Variants in TERT observed in about 807,000 individuals in gnomAD.
The protein encoded by TERT is telomerase reverse transcriptase, also known as telomerase catalytic subunit.
Under a neutral mutation model 104.0 loss-of-function variants are expected in TERT, and 42 were observed. The ratio of observed to expected loss-of-function variants is 0.40; its 90% confidence interval spans 0.32 to 0.52. TERT has a LOEUF of 0.52. Ranked by LOEUF, TERT falls within the 20% of genes least tolerant of loss-of-function variation. The pLI is 0.43. For missense variants in TERT, 1,101 were observed against 1,610.3 expected (o/e 0.68, Z 5.41); for synonymous variants, 781 against 725.6 (o/e 1.08, Z -1.23).
In TERT at chr5:1,282,641, A is replaced by T; in HGVS notation, c.1574-17T>A. Reference sequence around the variant, plus strand: ...AGCCAACCCCTTAAACGAGAAGGACATGCCACATCCAGATCACCGAGGGCC... The same window carrying T: ...AGCCAACCCCTTAAACGAGAAGGACTTGCCACATCCAGATCACCGAGGGCC... On this transcript the variant is annotated splice_polypyrimidine_tract_variant and intron_variant, in intron 2 of 15. Transcript: ENST00000310581. The T allele has an allele frequency of 6.2e-7, 1 of 1,613,400 alleles. No individual in the cohort carries two copies. Among genetic ancestry groups the T allele is most frequent in the Non-Finnish European group, 8.5e-7 (1 of 1,179,926 alleles).
Position 1,282,453 on chromosome 5 carries a change from C to T in TERT, c.1745G>A (p.Ser582Asn). The T allele has an allele frequency of 6.2e-7, 1 of 1,614,150 alleles. No individual in the cohort carries two copies. The highest frequency in any genetic ancestry group is 8.5e-7 in the Non-Finnish European group (1 of 1,180,026). ...CCTGATTCCAATGCTTTGCAACTTGCTCCAGACACTCTTCCGGTAGAAAAA... is the reference window on the plus strand; with the variant it reads ...CCTGATTCCAATGCTTTGCAACTTGTTCCAGACACTCTTCCGGTAGAAAAA... ...RLFFYRKSVW[S>N]KLQSIGIRQH... Residue 582 changes from serine (S) to asparagine (N), a missense_variant, in exon 3 of 16, where the codon AGC becomes AAC. By Grantham distance (46) the Ser-to-Asn change is conservative. Around this residue, in one of 5 missense-constraint regions of TERT, gnomAD observed 463 missense variants for 797.5 expected, o/e 0.58. Transcript: ENST00000310581.
chr5:1,286,216 C>G lies in TERT; in HGVS notation c.1574-3592G>C, dbSNP rs1220839259. Among the ~76,000 whole-genome samples the G allele has an allele frequency of 6.6e-6, 1 of 152,190 alleles. No homozygotes were observed. Among genetic ancestry groups the G allele is most frequent in the Admixed American group, 6.5e-5 (1 of 15,280 alleles). ...AGTCTCCACATCTTCATCTGTGCAT[C>G]ATAAGCAGAGGTCCCCGGACGTCGC... On this transcript the variant is annotated intron_variant, in intron 2 of 15. Coordinates refer to ENST00000310581, the MANE Select transcript of TERT (RefSeq NM_198253.3). This position sits in a 1 kb window ranked among gnomAD's most constrained non-coding sequence, Gnocchi z 5.3.
chr5:1,258,993 A>C (rs13165630), intron 12 of TERT, among the ~76,000 whole-genome samples: 95 of 108,506 alleles, frequency 8.8e-4, no homozygotes, highest in African/African-American at 3.2e-3. Flanking sequence ...CACAGGAGAG[A>C]GGGAGTGGAG....
rs1748777872 is a variant in TERT at position 1,268,500 on chromosome 5, T to C, written c.2582+20A>G. On this transcript the variant is annotated intron_variant, in intron 9 of 15. Coordinates refer to ENST00000310581, the MANE Select transcript of TERT (RefSeq NM_198253.3). The surrounding 1 kb of genome is among the most constrained non-coding windows in gnomAD (Gnocchi z 5.5). ...AAATCAACCCCCACCCAAGCCCCCCTGGGGAAGAGGAGGCCTCACCCGTCC... is the reference window on the plus strand; with the variant it reads ...AAATCAACCCCCACCCAAGCCCCCCCGGGGAAGAGGAGGCCTCACCCGTCC... The C allele has an allele frequency of 1.9e-6, 3 of 1,598,402 alleles. No homozygotes were observed. Among genetic ancestry groups the C allele is most frequent in the Non-Finnish European group, 1.7e-6 (2 of 1,167,250 alleles).
In TERT at chr5:1,268,078, C is replaced by T. The variant is rs184945680; in HGVS notation, c.2582+442G>A. Among the ~76,000 whole-genome samples, 1 of 152,154 alleles carries T rather than the reference C, an allele frequency of 6.6e-6. No individual in the cohort carries two copies. On this transcript the variant is annotated intron_variant, in intron 9 of 15. Transcript: ENST00000310581. This position sits in a 1 kb window ranked among gnomAD's most constrained non-coding sequence, Gnocchi z 5.5. Reference sequence around the variant, plus strand: ...GGTGTGTGCGTCCTTGGGTGTAGACCCCATGCAAGTGGGATGGGCAATGGG... The same window carrying T: ...GGTGTGTGCGTCCTTGGGTGTAGACTCCATGCAAGTGGGATGGGCAATGGG...
chr5:1,264,332 T>G (rs1579555526), intron 11 of TERT, 72 bp downstream of exon 11: 2 of 1,491,306 alleles, frequency 1.3e-6, no homozygotes, highest in Non-Finnish European at 1.8e-6. Context: ...GAAGCAGAGG[T>G]GGACGCAACG....
intron 7 of TERT, 66 bp from the exon 8 acceptor site, chr5:1,271,270 G>T: frequency 8.5e-7 from 1 of 1,171,580 alleles, no homozygotes; most frequent in South Asian, 1.2e-5. Flanking sequence ...AGGACCACGT[G>T]GCCAAGACCC....
chr5:1,283,992 A>G (rs572068436), intron 2 of TERT, among the ~76,000 whole-genome samples: 8 of 89,152 alleles, frequency 9.0e-5, no homozygotes, highest in Non-Finnish European at 1.3e-4. Context: ...ATCCGGATAC[A>G]GCACATCCAG....
intron 7 of TERT, among the ~76,000 whole-genome samples, chr5:1,271,470 C>T (rs35664326): frequency 5.9e-5 from 9 of 152,330 alleles, no homozygotes; most frequent in Admixed American, 2.0e-4. Context: ...CACCGTGGCC[C>T]GGATGGCATA....
At chr5:1,276,581 C>A (rs1749612960) in intron 6 of TERT, among the ~76,000 whole-genome samples, 1 of 151,236 alleles carries the variant, frequency 6.6e-6, no homozygotes, top group African/African-American at 2.4e-5. Context: ...ACATAAAAAC[C>A]AATCCCACAG....
intron 11 of TERT, 188 bp downstream of exon 11, chr5:1,264,216 C>T: frequency 1.6e-6 from 1 of 630,324 alleles, no homozygotes; most frequent in Non-Finnish European, 2.8e-6. Flanking sequence ...CCGTTGTGAG[C>T]ACCCTCACTC....
chr5:1,269,811 G>A lies in TERT; in HGVS notation c.2469-1178C>T, dbSNP rs1748890520. On this transcript the variant is annotated intron_variant, in intron 8 of 15. Coordinates refer to ENST00000310581, the MANE Select transcript of TERT (RefSeq NM_198253.3). The surrounding 1 kb of genome is among the most constrained non-coding windows in gnomAD (Gnocchi z 9.0). ...AAACTCTCTCTGTTCTTAGTTTTTG[G>A]GGCAACAGGTTTTGAAGACGTTTTT... 6.6e-6 allele frequency among the ~76,000 whole-genome samples: 1 copy of A among 152,034 alleles called. No individual in the cohort carries two copies. The highest frequency in any genetic ancestry group is 2.4e-5 in the African/African-American group (1 of 41,360).
rs1268683783 is a variant in TERT, at chr5:1,278,802, T to G, written c.2131-6A>C. On this transcript the variant is annotated splice_region_variant and splice_polypyrimidine_tract_variant and intron_variant, in intron 5 of 15. Coordinates refer to ENST00000310581, the MANE Select transcript of TERT (RefSeq NM_198253.3). Reference sequence around the variant, plus strand: ...TACGCGCCCGTCACATCCACCTGTGTGAGTGGAGGCGAGGAGACTGACAGT... The same window carrying G: ...TACGCGCCCGTCACATCCACCTGTGGGAGTGGAGGCGAGGAGACTGACAGT... 1.2e-6 allele frequency: 2 copies of G among 1,613,760 alleles called. No homozygotes were observed. Among genetic ancestry groups the G allele is most frequent in the East Asian group, 4.5e-5 (2 of 44,878 alleles).
rs1234192469 is a variant in TERT, at chr5:1,286,324, G to T, written c.1574-3700C>A. On this transcript the variant is annotated intron_variant, in intron 2 of 15. Transcript: ENST00000310581. This position sits in a 1 kb window ranked among gnomAD's most constrained non-coding sequence, Gnocchi z 5.3. ...GAAGAACCACGCAAAGGACAAGGAA[G>T]GGGACCCCAGACGGCGGGCCTGAGA... Among the ~76,000 whole-genome samples, 1 of 152,250 alleles carries T rather than the reference G, an allele frequency of 6.6e-6. No individual in the cohort carries two copies. The highest frequency in any genetic ancestry group is 1.5e-5 in the Non-Finnish European group (1 of 68,042).
chr5:1,293,126 T>G (rs1751095508), intron 2 of TERT, among the ~76,000 whole-genome samples, 187 bp downstream of exon 2: 1 of 152,232 alleles, frequency 6.6e-6, no homozygotes, highest in South Asian at 2.1e-4. Context: ...CGTAAGTTTA[T>G]GCAAACTGGA....
intron 13 of TERT, 31 bp downstream of exon 13, chr5:1,258,567 G>A (rs1253586405): frequency 6.4e-7 from 1 of 1,554,660 alleles, no homozygotes; most frequent in Admixed American, 1.9e-5. Context: ...GTCCCTGGAG[G>A]CTGGGCCTGC....
rs1579599369 is a variant in TERT, at chr5:1,294,980, C to T, written c.10G>A (p.Ala4Thr). Reference protein sequence around the residue: MPRAPRCRAVRSLL... With the variant: MPRTPRCRAVRSLL... ...GAGCGCACGGCTCGGCAGCGGGGAG[C>T]GCGCGGCATCGCGGGGGTGGCCGGG... The change falls in exon 1 of 16, where the codon GCT becomes ACT. Residue 4 changes from alanine to threonine, a missense_variant. Ala to Thr is a moderately conservative substitution (Grantham distance 58). Around this residue, in one of 5 missense-constraint regions of TERT, gnomAD observed 87 missense variants for 145.4 expected, o/e 0.60. Transcript: ENST00000310581. 7.6e-7 allele frequency: 1 copy of T among 1,321,432 alleles called. No homozygotes were observed. 81.9% of individuals were successfully genotyped at this position (1,321,432 alleles called of 1,614,324 possible).
chr5:1,271,135 C>G lies in TERT; in HGVS notation c.2452G>C (p.Val818Leu). Reference sequence around the variant, plus strand: ...CTGACTCACTTGCCCCTGATGCGCACGGCGTGGTGGCACATGAAGCGTAGG... The same window carrying G: ...CTGACTCACTTGCCCCTGATGCGCAGGGCGTGGTGGCACATGAAGCGTAGG... ...VFLRFMCHHA[V>L]RIRGKSYVQC... Residue 818 changes from valine (V) to leucine (L), a missense_variant, in exon 8 of 16, where the codon GTG (valine) becomes CTG (leucine). Transcript: ENST00000310581. 1 of 1,613,000 alleles carries G rather than the reference C, an allele frequency of 6.2e-7. No individual in the cohort carries two copies. The highest frequency in any genetic ancestry group is 8.5e-7 in the Non-Finnish European group (1 of 1,179,984).
Position 1,264,784 on chromosome 5 carries a change from G to A in TERT, c.2655-192C>T, listed in dbSNP as rs113192843. Among the ~76,000 whole-genome samples, 731 of 152,252 alleles carry A rather than the reference G, an allele frequency of 4.8e-3. 4 individuals are homozygous for A. Among genetic ancestry groups the A allele is most frequent in the African/African-American group, 0.017 (697 of 41,540 alleles). On this transcript the variant is annotated intron_variant, in intron 10 of 15. Coordinates refer to ENST00000310581, the MANE Select transcript of TERT (RefSeq NM_198253.3). ...CTTCGGGGTGCTTTCCCTGTCTCCC[G>A]GGCAGGACAGGTAGGTGAGCATGCA... is the stretch of plus-strand genomic sequence containing the variant.
Sources: gnomAD v4.1 joint callset for allele counts (sites outside exome capture counted in the v4.1 genomes callset) on GRCh38, gnomAD v4.1.1 for gene constraint, gnomAD v4.1.1 regional missense constraint, Gnocchi (gnomAD v3.1) non-coding constraint, MANE v1.5 for transcripts, NCBI Gene and HGNC (gene_info 2026-07-23, HGNC 2026-07-21) for gene names.